The following VPS13D variants were observed in gnomAD, a reference collection of about 807,000 sequenced individuals.
VPS13D encodes intermembrane lipid transfer protein VPS13D.
A neutral mutation model predicts 461.9 loss-of-function variants in VPS13D; 187 were observed. The observed-to-expected ratio is 0.40, with a 90% CI of 0.36 to 0.46. The LOEUF is 0.46. Among genes scored for constraint, VPS13D ranks in the 20% least tolerant of loss-of-function variants. The pLI is 0.60. For synonymous variants in VPS13D, 1,951 were observed against 1,986.3 expected (o/e 0.98, Z 0.47); for missense variants, 4,711 against 5,364.9 (o/e 0.88, Z 3.81).
At chr1:12,243,635 A>G (rs1325573418) in intron 3 of VPS13D, among the ~76,000 whole-genome samples, 2 of 152,192 alleles carry the variant, frequency 1.3e-5, no homozygotes, top group East Asian at 3.8e-4. Context: ...AATTGAACAT[A>G]AAGAAAGCTT....
intron 67 of VPS13D, among the ~76,000 whole-genome samples, chr1:12,487,707 T>TG (rs925521182): frequency 1.3e-5 from 2 of 151,698 alleles, no homozygotes; most frequent in African/African-American, 4.8e-5. Flanking sequence ...AAAGAGGCCC[T>TG]GGGGGAGGGG....
In VPS13D at chr1:12,293,605, T is replaced by C. The variant is rs759338522; in HGVS notation, c.5934T>C (p.His1978=). The change falls in exon 24 of 70, where the codon CAT becomes CAC. Residue 1978 remains histidine, a synonymous_variant. Transcript: ENST00000620676. ...SLRMASVQYV[H]TQRFQAEVVA... is the part of the protein sequence containing the mutation. ...GGATGGCCTCTGTGCAGTATGTGCA[T>C]ACTCAGCGTTTCCAGGCAGAGGTGG... 5 of 1,614,212 alleles carry C rather than the reference T, an allele frequency of 3.1e-6. No individual in the cohort carries two copies. The highest frequency in any genetic ancestry group is 1.1e-5 in the South Asian group (1 of 91,086).
intron 65 of VPS13D, among the ~76,000 whole-genome samples, chr1:12,446,191 C>CGGAT (rs1645190356): frequency 6.6e-6 from 1 of 151,980 alleles, no homozygotes; most frequent in South Asian, 2.1e-4. Context: ...CCAAGGTGGG[C>CGGAT]GGATCATGAG....
rs1157666948 is a variant in VPS13D, at chr1:12,510,836, C to T, written c.*1812C>T. The T allele has an allele frequency of 6.6e-6, 1 of 152,442 alleles. No individual in the cohort carries two copies. Among genetic ancestry groups the T allele is most frequent in the Non-Finnish European group, 1.5e-5 (1 of 68,238 alleles). The allele number at this position is 152,442 out of a possible 1,614,324, so 9.4% of individuals were successfully genotyped here. Reference sequence around the variant, plus strand: ...CAAGATGGCAGCTCCTCTGCAGCTTCCTCCTCAGCCTCCCTCCTTGCACCC... The same window carrying T: ...CAAGATGGCAGCTCCTCTGCAGCTTTCTCCTCAGCCTCCCTCCTTGCACCC... On this transcript the variant is annotated 3_prime_UTR_variant, in exon 70 of 70. Transcript: ENST00000620676.
At chr1:12,270,681 G>A (rs1395986163) in intron 16 of VPS13D, among the ~76,000 whole-genome samples, 1 of 151,970 alleles carries the variant, frequency 6.6e-6, no homozygotes, top group Non-Finnish European at 1.5e-5. Flanking sequence ...CCTGTATTAT[G>A]CCAGGTCATA....
Position 12,333,298 on chromosome 1 carries a change from C to G in VPS13D, c.8360C>G (p.Pro2787Arg), listed in dbSNP as rs1348115802. The G allele has an allele frequency of 2.5e-6, 4 of 1,614,028 alleles. No homozygotes were observed. The highest frequency in any genetic ancestry group is 1.1e-5 in the South Asian group (1 of 91,088). Residue 2787 changes from proline to arginine, a missense_variant, in exon 38 of 70, where the codon CCT becomes CGT. Transcript: ENST00000620676. Reference protein sequence around the residue: ...WQQQAASRLHPPRLKLEAKAK... With the variant: ...WQQQAASRLHRPRLKLEAKAK... ...CAGCAGGCAGCTAGTCGTCTCCATC[C>G]TCCTCGACTGAAGCTAGAAGCCAAG...
At position 12,392,189 on chromosome 1, in the gene VPS13D, A is replaced by G. The variant is rs72868251; in HGVS notation, c.11634+5855A>G. Among the ~76,000 whole-genome samples the G allele has an allele frequency of 4.2e-3, 632 of 152,144 alleles. 5 individuals are homozygous for G. Among genetic ancestry groups the G allele is most frequent in the African/African-American group, 0.014 (595 of 41,526 alleles). On this transcript the variant is annotated intron_variant, in intron 60 of 69. Coordinates refer to ENST00000620676, the MANE Select transcript of VPS13D (RefSeq NM_015378.4). ...AAAATGTTATTTTTCTTTTGCCATA[A>G]ATGACTATATTAAGATCCTTGGCTG...
chr1:12,325,976 C>CT (rs70987244), intron 35 of VPS13D, among the ~76,000 whole-genome samples: 27,421 of 137,160 alleles, frequency 0.2, 3,795 homozygotes, highest in African/African-American at 0.4. Flanking sequence ...TACTTGATTT[C>CT]TTTTTTTTTT....
chr1:12,393,131 T>C (rs1038947463), intron 60 of VPS13D, among the ~76,000 whole-genome samples: 4 of 152,232 alleles, frequency 2.6e-5, no homozygotes, highest in African/African-American at 9.6e-5. Flanking sequence ...CCCTGAATTT[T>C]AGTCGGATTT....
chr1:12,247,464 C>T (rs560111057), intron 5 of VPS13D, among the ~76,000 whole-genome samples: 3 of 148,778 alleles, frequency 2.0e-5, no homozygotes, highest in South Asian at 4.3e-4. Flanking sequence ...TTCTCTCTAA[C>T]ACCATTCAGG....
rs1391231715 is a variant in VPS13D, at chr1:12,273,140, A to G, written c.2236+5A>G. ...TGCTTTTGACGAACACCCAAGGTAT[A>G]GTGTGAGTGGGAAATAATGAAAACC... On this transcript the variant is annotated splice_donor_5th_base_variant and intron_variant, in intron 18 of 69. Coordinates refer to ENST00000620676, the MANE Select transcript of VPS13D (RefSeq NM_015378.4). The G allele has an allele frequency of 6.2e-7, 1 of 1,612,950 alleles. No homozygotes were observed.
At chr1:12,287,647 C>A (rs1205612045) in intron 21 of VPS13D, among the ~76,000 whole-genome samples, 1 of 152,166 alleles carries the variant, frequency 6.6e-6, no homozygotes, top group African/African-American at 2.4e-5. Flanking sequence ...GTTACAATTA[C>A]AATATTGCAT....
chr1:12,238,723 T>C (rs1298303784), intron 2 of VPS13D, among the ~76,000 whole-genome samples: 4 of 151,764 alleles, frequency 2.6e-5, no homozygotes, highest in Non-Finnish European at 5.9e-5. Context: ...CCTCGAACTT[T>C]TGGCGATCCT....
rs746168413 is a variant in VPS13D, at chr1:12,314,263, AT to A, written c.7085del (p.Ile2362ThrfsTer32). 1 of 1,614,184 alleles carries A rather than the reference AT, an allele frequency of 6.2e-7. No individual in the cohort carries two copies. Among genetic ancestry groups the A allele is most frequent in the East Asian group, 2.2e-5 (1 of 44,878 alleles). On this transcript the variant is annotated frameshift_variant, in exon 30 of 70. Coordinates refer to ENST00000620676, the MANE Select transcript of VPS13D (RefSeq NM_015378.4). LOFTEE classifies it high-confidence loss of function. ...TGGCATGACGAATGTGTTCAGCTGTATCTTTCAGCCCGCTAAGAACAGCAGC... is the reference window on the plus strand; with the variant it reads ...TGGCATGACGAATGTGTTCAGCTGTACTTTCAGCCCGCTAAGAACAGCAGC... ...SPGMTNVFSCIFQPAKNSSTT... is the reference protein window; with the variant it reads ...SPGMTNVFSCXFQPAKNSSTT...
Position 12,271,664 on chromosome 1 carries a change from C to A in VPS13D, c.2103+540C>A, listed in dbSNP as rs80116849. On this transcript the variant is annotated intron_variant, in intron 17 of 69. Transcript: ENST00000620676. ...AGCCTGGGCAACAGAGTGAGACTGT[C>A]TCAAAAAGAAGAAGAAAAAAAAAAG... Among the ~76,000 whole-genome samples, 935 of 150,430 alleles carry A rather than the reference C, an allele frequency of 6.2e-3. 13 individuals are homozygous for A. The highest frequency in any genetic ancestry group is 0.022 in the African/African-American group (899 of 40,944).
In VPS13D at chr1:12,261,939, T is replaced by C; in HGVS notation, c.1453T>C (p.Cys485Arg). 5 of 1,614,004 alleles carry C rather than the reference T, an allele frequency of 3.1e-6. No individual in the cohort carries two copies. The highest frequency in any genetic ancestry group is 4.2e-6 in the Non-Finnish European group (5 of 1,179,888). Residue 485 changes from cysteine (C) to arginine (R), a missense_variant, in exon 13 of 70, where the codon TGT becomes CGT. This residue lies in a region of VPS13D where 4,411 missense variants were observed against 4,937.8 expected (regional missense o/e 0.89). Transcript: ENST00000620676. ...TTTTGACCCCACTGCAGATGCCTCGTGTATGAACACGTATACAAAGCGAGA... is the reference window on the plus strand; with the variant it reads ...TTTTGACCCCACTGCAGATGCCTCGCGTATGAACACGTATACAAAGCGAGA... ...EFFDPTADAS[C>R]MNTYTKRDHV...
chr1:12,236,946 G>C (rs569325981), intron 2 of VPS13D, among the ~76,000 whole-genome samples: 1 of 152,178 alleles, frequency 6.6e-6, no homozygotes, highest in East Asian at 1.9e-4. Context: ...AGAGCTTAGA[G>C]CTGTTCTTGG....
At position 12,495,789 on chromosome 1, in the gene VPS13D, G is replaced by T. The variant is rs543909800; in HGVS notation, c.12663-1711G>T. Among the ~76,000 whole-genome samples the T allele has an allele frequency of 6.6e-6, 1 of 152,318 alleles. No homozygotes were observed. The highest frequency in any genetic ancestry group is 2.1e-4 in the South Asian group (1 of 4,830). On this transcript the variant is annotated intron_variant, in intron 67 of 69. Coordinates refer to ENST00000620676, the MANE Select transcript of VPS13D (RefSeq NM_015378.4). The surrounding 1 kb of genome is among the most constrained non-coding windows in gnomAD (Gnocchi z 4.0). ...GCCTGACAGAGAGGTCAGCAGGACT[G>T]CCCTGGGGAAAGGATACTTTATTAG...
At chr1:12,346,539 CATTGA>C (rs1643680498) in intron 43 of VPS13D, 61 bp from the exon 44 acceptor site, 1 of 1,526,008 alleles carries the variant, frequency 6.6e-7, no homozygotes, top group Admixed American at 1.9e-5. Context: ...ATTATGTTGT[CATTGA>C]ATTTAACGTT....
Sources: allele counts gnomAD v4.1 joint callset (sites outside exome capture counted in the v4.1 genomes callset), GRCh38; gene constraint gnomAD v4.1.1; regional missense constraint gnomAD v4.1.1; non-coding constraint Gnocchi (gnomAD v3.1); transcripts MANE v1.5; gene names NCBI Gene and HGNC (gene_info 2026-07-23, HGNC 2026-07-21).